MTMR2: variants seen among roughly 807,000 people sequenced by gnomAD.
The protein encoded by MTMR2 is myotubularin related protein 2.
A neutral mutation model predicts 86.9 loss-of-function variants in MTMR2; 55 were observed. The ratio of observed to expected loss-of-function variants is 0.63; its 90% CI spans 0.51 to 0.79. MTMR2 has a LOEUF of 0.79. Among genes scored for constraint, MTMR2 ranks in the 30% least tolerant of loss-of-function variants. The probability of loss-of-function intolerance (pLI) is 0.00; values close to 1 mark genes in which losing one functional copy is unlikely to be tolerated. For synonymous variants in MTMR2, 241 were observed against 266.8 expected, an observed-to-expected ratio of 0.90 and a Z score of 0.94; for missense variants, 659 against 772.3, an observed-to-expected ratio of 0.85 and a Z score of 1.74.
intron 11 of MTMR2, among the ~76,000 whole-genome samples, chr11:95,843,934 T>C (rs1863660727): frequency 6.6e-6 from 1 of 152,174 alleles, no homozygotes; most frequent in African/African-American, 2.4e-5. Context: ...GTTAACAATG[T>C]AAAGGGGGTC....
chr11:95,923,846 C>T, intron 1 of MTMR2, 29 bp downstream of exon 1: 10 of 1,538,988 alleles, frequency 6.5e-6, no homozygotes, highest in Non-Finnish European at 8.8e-6. Context: ...CCTTCGGACG[C>T]TGGGCGGGGC....
intron 1 of MTMR2, among the ~76,000 whole-genome samples, chr11:95,908,637 A>C (rs1866383069): frequency 6.6e-6 from 1 of 152,116 alleles, no homozygotes; most frequent in Admixed American, 6.6e-5. Flanking sequence ...TGGTACAAAA[A>C]CAACAGACAC....
chr11:95,865,233 T>C (rs892581366), intron 3 of MTMR2, among the ~76,000 whole-genome samples: 1 of 152,138 alleles, frequency 6.6e-6, no homozygotes, highest in African/African-American at 2.4e-5. Context: ...AGGTGACAAT[T>C]CAATGTTTTT....
chr11:95,892,835 G>T (rs1565377307), intron 1 of MTMR2, among the ~76,000 whole-genome samples: 1 of 152,020 alleles, frequency 6.6e-6, no homozygotes. Flanking sequence ...TCTTCAACAG[G>T]ATTCTCCCCT....
intron 1 of MTMR2, among the ~76,000 whole-genome samples, chr11:95,912,092 T>G (rs1159668976): frequency 1.3e-5 from 2 of 150,398 alleles, no homozygotes; most frequent in African/African-American, 2.4e-5. Flanking sequence ...GGTGGGTTTT[T>G]TTTTTTTTTT....
intron 12 of MTMR2, 103 bp downstream of exon 12, chr11:95,841,514 A>C: frequency 1.2e-6 from 1 of 845,664 alleles, no homozygotes; most frequent in Non-Finnish European, 2.1e-6. Context: ...TGTTACAAGA[A>C]TTTCCATTTA....
chr11:95,871,399 T>C (rs1864876886), intron 2 of MTMR2, among the ~76,000 whole-genome samples: 1 of 152,192 alleles, frequency 6.6e-6, no homozygotes, highest in Non-Finnish European at 1.5e-5. Context: ...CTCCAGCACC[T>C]GTTGTTTCCT....
In MTMR2 at chr11:95,847,699, G is replaced by A; in HGVS notation, c.1179+15C>T. On this transcript the variant is annotated intron_variant, in intron 10 of 14. Coordinates refer to ENST00000346299, the MANE Select transcript of MTMR2 (RefSeq NM_016156.6). ...AGAGAGAGTCTTTGTTTGGGATATA[G>A]TAACACACACCCACCTTAATATGTT... 6.3e-7 allele frequency: 1 copy of A among 1,581,856 alleles called. No individual in the cohort carries two copies. Among genetic ancestry groups the A allele is most frequent in the South Asian group, 1.1e-5 (1 of 90,832 alleles).
At chr11:95,896,080 C>A (rs1865872029) in intron 1 of MTMR2, among the ~76,000 whole-genome samples, 2 of 152,040 alleles carry the variant, frequency 1.3e-5, no homozygotes, top group Admixed American at 1.3e-4. Context: ...AGTTCAACCA[C>A]ACTAGCCTTC....
intron 11 of MTMR2, among the ~76,000 whole-genome samples, chr11:95,842,652 T>C (rs1470970173): frequency 2.0e-5 from 3 of 152,194 alleles, no homozygotes; most frequent in Non-Finnish European, 4.4e-5. Context: ...GGCTGTGAGG[T>C]CAAAACTATT....
In MTMR2 at chr11:95,890,417, G is replaced by A. The variant is rs191216654; in HGVS notation, c.81-2156C>T. Among the ~76,000 whole-genome samples the A allele has an allele frequency of 2.0e-4, 30 of 152,242 alleles. No homozygotes were observed. The East Asian group carries it at 5.2e-3, about 26-fold the overall frequency. On this transcript the variant is annotated intron_variant, in intron 1 of 14. Transcript: ENST00000346299. ...TGATCAGGGTAGTTTGTGCCCTGCC[G>A]AAGACAAGAGGCTTGCTATTCTCTT... is the stretch of plus-strand genomic sequence containing the variant.
At position 95,833,383 on chromosome 11, in the gene MTMR2, T is replaced by A. The variant is rs1381416920; in HGVS notation, c.*1907A>T. ...AGTTATGAAACATGTAACTGTCAAT[T>A]CAAATATTTAAAAGTTTTGCTTGTG... On this transcript the variant is annotated 3_prime_UTR_variant, in exon 15 of 15. Transcript: ENST00000346299. The A allele has an allele frequency of 6.6e-6, 1 of 152,066 alleles. No homozygotes were observed. Among genetic ancestry groups the A allele is most frequent in the Admixed American group, 6.6e-5 (1 of 15,230 alleles). The allele number at this position is 152,066 out of a possible 1,614,324, so 9.4% of individuals were successfully genotyped here. A position where few individuals can be genotyped will look rare whatever the true frequency, so the allele number is the denominator to read the frequency against.
At chr11:95,858,377 T>C (rs910682274) in intron 6 of MTMR2, among the ~76,000 whole-genome samples, 154 bp downstream of exon 6, 3 of 152,176 alleles carry the variant, frequency 2.0e-5, no homozygotes, top group African/African-American at 7.2e-5. Context: ...CCTAAAGAAA[T>C]TGATCTAAGA....
At chr11:95,865,415 AC>A in intron 3 of MTMR2, 185 bp downstream of exon 3, 1 of 613,232 alleles carries the variant, frequency 1.6e-6, no homozygotes, top group East Asian at 2.7e-5. Context: ...TCAAACACAA[AC>A]ACTAGCAGCG....
intron 2 of MTMR2, 57 bp from the exon 3 acceptor site, chr11:95,865,733 C>G: frequency 4.3e-6 from 6 of 1,399,214 alleles, no homozygotes; most frequent in Non-Finnish European, 6.1e-6. Context: ...TACTTTTTCA[C>G]TCATATTTCA....
At chr11:95,863,181 A>C (rs1244555118) in intron 3 of MTMR2, among the ~76,000 whole-genome samples, 1 of 152,200 alleles carries the variant, frequency 6.6e-6, no homozygotes, top group Non-Finnish European at 1.5e-5. Context: ...TATTACACCA[A>C]ATCAGCAGAT....
chr11:95,836,089 AG>A, intron 14 of MTMR2, 58 bp downstream of exon 14: 1 of 1,487,874 alleles, frequency 6.7e-7, no homozygotes, highest in South Asian at 1.1e-5. Flanking sequence ...GCTGCTTTTA[AG>A]GAGACAAAGT....
intron 2 of MTMR2, among the ~76,000 whole-genome samples, chr11:95,875,847 G>A (rs934676807): frequency 2.0e-5 from 3 of 152,208 alleles, no homozygotes; most frequent in Non-Finnish European, 4.4e-5. Flanking sequence ...AGGTCTGTTG[G>A]AGTTTGCTGG....
At chr11:95,840,716 C>T (rs1349853348) in intron 12 of MTMR2, among the ~76,000 whole-genome samples, 3 of 152,070 alleles carry the variant, frequency 2.0e-5, no homozygotes, top group South Asian at 4.1e-4. Flanking sequence ...TATTTCACCC[C>T]ATTACCATTA....
Sources: allele counts gnomAD v4.1 joint callset (sites outside exome capture counted in the v4.1 genomes callset), GRCh38; gene constraint gnomAD v4.1.1; transcripts MANE v1.5; gene names NCBI Gene and HGNC (gene_info 2026-07-23, HGNC 2026-07-21).